RSPO2: variants seen among roughly 807,000 people sequenced by gnomAD.
The protein encoded by RSPO2 is R-spondin 2.
A neutral mutation model predicts 30.9 loss-of-function variants in RSPO2; 14 were observed. The observed-to-expected ratio is 0.45, with a 90% CI of 0.30 to 0.71. The LOEUF is 0.71. RSPO2 is among the 30% of genes least tolerant of loss of function. RSPO2 has a pLI of 0.08. For missense variants in RSPO2, 264 were observed against 301.9 expected (o/e 0.87, Z 0.93); for synonymous variants, 107 against 96.4 (o/e 1.11, Z -0.64).
At chr8:107,939,645 T>C (rs567994745) in intron 5 of RSPO2, among the ~76,000 whole-genome samples, 1 of 152,196 alleles carries the variant, frequency 6.6e-6, no homozygotes, top group South Asian at 2.1e-4. Context: ...TTTGTATTAC[T>C]GACCCCCATA....
rs961066747 is a variant in RSPO2, at chr8:107,937,727, C to T, written c.616+20353G>A. The stretch of plus-strand genomic sequence containing the variant: ...GATGCCAGGTCATCAAGGAACTGAT[C>T]GCAAAAGAATCACCATAATTCTTAC... On this transcript the variant is annotated intron_variant, in intron 5 of 5. Transcript: ENST00000276659. Among the ~76,000 whole-genome samples, 3 of 151,902 alleles carry T rather than the reference C, an allele frequency of 2.0e-5. 1 individual carries two copies. The highest frequency in any genetic ancestry group is 4.2e-4 in the South Asian group (2 of 4,810).
At chr8:107,996,389 T>G (rs913300456) in intron 2 of RSPO2, among the ~76,000 whole-genome samples, 1 of 152,158 alleles carries the variant, frequency 6.6e-6, no homozygotes, top group Non-Finnish European at 1.5e-5. Context: ...TGGCTGAAGC[T>G]ACATCAGAAG....
In RSPO2 at chr8:108,082,526, T is replaced by C; in HGVS notation, c.94+19A>G. 6.2e-7 allele frequency: 1 copy of C among 1,603,744 alleles called. No homozygotes were observed. Among genetic ancestry groups the C allele is most frequent in the Non-Finnish European group, 8.5e-7 (1 of 1,170,660 alleles). ...CACCCCTGAAGCCCACCACGCACCT[T>C]TGGCAGAGAGGGACCCACCTCGCTT... On this transcript the variant is annotated intron_variant, in intron 2 of 5. Coordinates refer to ENST00000276659, the MANE Select transcript of RSPO2 (RefSeq NM_178565.5).
chr8:108,012,920 A>T (rs1252362622), intron 2 of RSPO2, among the ~76,000 whole-genome samples: 1 of 152,200 alleles, frequency 6.6e-6, no homozygotes, highest in Non-Finnish European at 1.5e-5. Flanking sequence ...AACCCACACA[A>T]ACCTGGCACA....
rs544348971 is a variant in RSPO2, at chr8:107,951,228, G to A, written c.616+6852C>T. On this transcript the variant is annotated intron_variant, in intron 5 of 5. Transcript: ENST00000276659. ...GTACCACCACACCCAGATAATTTTT[G>A]TATTTTTAGTACAGAGTTTCACCAC... Among the ~76,000 whole-genome samples, 5 of 151,922 alleles carry A rather than the reference G, an allele frequency of 3.3e-5. No homozygotes were observed. The East Asian group carries it at 5.8e-4, about 18-fold the overall frequency.
At position 107,997,720 on chromosome 8, in the gene RSPO2, A is replaced by G. The variant is rs186167565; in HGVS notation, c.95-8476T>C. Among the ~76,000 whole-genome samples, 371 of 152,346 alleles carry G rather than the reference A, an allele frequency of 2.4e-3. 19 individuals carry two copies. In the South Asian group the frequency reaches 0.067, roughly 28 times the overall value. On this transcript the variant is annotated intron_variant, in intron 2 of 5. Coordinates refer to ENST00000276659, the MANE Select transcript of RSPO2 (RefSeq NM_178565.5). ...AGCAGCATAGGTATTACTCTTTATT[A>G]TTAATTCTAATTAGTTGATTTGTGT...
intron 2 of RSPO2, among the ~76,000 whole-genome samples, chr8:108,041,876 G>A (rs954927698): frequency 2.0e-5 from 3 of 152,106 alleles, no homozygotes; most frequent in African/African-American, 4.8e-5. Context: ...CAAAGGGGAA[G>A]GGAGTAGGAT....
At position 107,989,215 on chromosome 8, in the gene RSPO2, C is replaced by A; in HGVS notation, c.124G>T (p.Gly42Cys). 6.3e-7 allele frequency: 1 copy of A among 1,580,712 alleles called. No homozygotes were observed. The highest frequency in any genetic ancestry group is 1.2e-5 in the South Asian group (1 of 83,776). ...ASYVSNPICK[G>C]CLSCSKDNGC... ...TTGTCCTTTGAACAAGACAAACAAC[C>A]CTTGCAAATGGGATTTGATACATAA... is the stretch of plus-strand genomic sequence containing the variant. Residue 42 changes from glycine to cysteine, a missense_variant, in exon 3 of 6, where the codon GGT becomes TGT. Transcript: ENST00000276659.
intron 2 of RSPO2, among the ~76,000 whole-genome samples, chr8:108,025,044 A>G (rs953210805): frequency 2.6e-5 from 4 of 152,152 alleles, no homozygotes; most frequent in Admixed American, 2.6e-4. Context: ...GGAAGAAGCA[A>G]CTCAAAAATG....
chr8:108,074,810 T>C (rs1812961912), intron 2 of RSPO2, among the ~76,000 whole-genome samples: 1 of 152,184 alleles, frequency 6.6e-6, no homozygotes, highest in Non-Finnish European at 1.5e-5. Context: ...AACCACACGT[T>C]TCTATAAGCA....
chr8:107,911,209 T>TTA, intron 5 of RSPO2, among the ~76,000 whole-genome samples: 1 of 152,182 alleles, frequency 6.6e-6, no homozygotes, highest in Non-Finnish European at 1.5e-5. Context: ...TACCTCCCTC[T>TTA]TATAATAGCC....
intron 5 of RSPO2, among the ~76,000 whole-genome samples, chr8:107,910,183 G>C (rs1472588443): frequency 6.6e-6 from 1 of 152,138 alleles, no homozygotes. Flanking sequence ...ATTAGAACAA[G>C]AAGATGTAAT....
intron 2 of RSPO2, among the ~76,000 whole-genome samples, chr8:108,064,627 G>A (rs538060357): frequency 7.2e-5 from 11 of 152,238 alleles, no homozygotes; most frequent in South Asian, 2.1e-4. Flanking sequence ...ATTCCTCAAG[G>A]ATCTAGAACT....
At chr8:108,005,114 T>C (rs1056105651) in intron 2 of RSPO2, among the ~76,000 whole-genome samples, 22 of 152,170 alleles carry the variant, frequency 1.4e-4, no homozygotes, top group Non-Finnish European at 2.6e-4. Context: ...TGTCTGGGCT[T>C]GTCTGATGTT....
chr8:107,911,667 G>A (rs149567106), intron 5 of RSPO2, among the ~76,000 whole-genome samples: 165 of 152,206 alleles, frequency 1.1e-3, no homozygotes, highest in African/African-American at 3.2e-3. Context: ...ACAGCAACTC[G>A]CAAAGCAAGC....
At chr8:107,941,486 T>C (rs550069403) in intron 5 of RSPO2, among the ~76,000 whole-genome samples, 23 of 152,336 alleles carry the variant, frequency 1.5e-4, no homozygotes, top group African/African-American at 5.5e-4. Context: ...ATAATAAATG[T>C]AGACCATTTT....
rs56888202 is a variant in RSPO2 at position 107,911,202 on chromosome 8, CT to C, written c.617-10013del. On this transcript the variant is annotated intron_variant, in intron 5 of 5. Coordinates refer to ENST00000276659, the MANE Select transcript of RSPO2 (RefSeq NM_178565.5). Reference sequence around the variant, plus strand: ...TAAACCCTGTGACTTTTTGGCTTACCTCCCTCTTATAATAGCCTCTGTCCTC... The same window carrying C: ...TAAACCCTGTGACTTTTTGGCTTACCCCCTCTTATAATAGCCTCTGTCCTC... Among the ~76,000 whole-genome samples the C allele has an allele frequency of 2.8e-3, 420 of 152,252 alleles. 4 individuals carry two copies. Among genetic ancestry groups the C allele is most frequent in the African/African-American group, 9.6e-3 (398 of 41,548 alleles).
intron 2 of RSPO2, among the ~76,000 whole-genome samples, chr8:108,075,193 G>T (rs1420876228): frequency 6.6e-6 from 1 of 151,952 alleles, no homozygotes; most frequent in African/African-American, 2.4e-5. Flanking sequence ...TAAAATATGG[G>T]TTACCAGCCG....
chr8:107,986,319 T>G (rs993932627), intron 3 of RSPO2, among the ~76,000 whole-genome samples: 8 of 152,246 alleles, frequency 5.3e-5, no homozygotes, highest in African/African-American at 1.9e-4. Context: ...TAGCACTTCC[T>G]GCTTGTACCA....
Sources: allele counts gnomAD v4.1 joint callset (sites outside exome capture counted in the v4.1 genomes callset), GRCh38; gene constraint gnomAD v4.1.1; transcripts MANE v1.5; gene names NCBI Gene and HGNC (gene_info 2026-07-23, HGNC 2026-07-21).